FRMD4A: variants seen among roughly 807,000 people sequenced by gnomAD.
FRMD4A encodes FERM domain-containing protein 4A.
FRMD4A carries 29 observed loss-of-function variants against 129.1 expected under a neutral mutation model. That is an observed-to-expected ratio of 0.22 (90% CI 0.17 to 0.31). The LOEUF (loss-of-function observed/expected upper bound fraction) is 0.31, where lower values mean the gene tolerates loss of function less well. Among genes scored for constraint, FRMD4A ranks in the 10% least tolerant of loss-of-function variants. The pLI is 1.00. For synonymous variants in FRMD4A, 634 were observed against 571.6 expected (o/e 1.11, Z -1.56); for missense variants, 1,272 against 1,375.8 (o/e 0.92, Z 1.19).
At chr10:14,019,403 C>T (rs1394111620) in intron 2 of FRMD4A, among the ~76,000 whole-genome samples, 2 of 152,058 alleles carry the variant, frequency 1.3e-5, no homozygotes, top group African/African-American at 2.4e-5. Context: ...CCAAGACATG[C>T]CATCATAATG....
intron 3 of FRMD4A, among the ~76,000 whole-genome samples, chr10:13,843,887 G>C (rs532569985): frequency 2.6e-5 from 4 of 152,346 alleles, no homozygotes; most frequent in African/African-American, 9.6e-5. Flanking sequence ...TCCCTGCAGA[G>C]AGGACACAAG....
chr10:13,880,316 T>C (rs1402632238), intron 2 of FRMD4A, among the ~76,000 whole-genome samples: 4 of 152,216 alleles, frequency 2.6e-5, no homozygotes, highest in Admixed American at 2.6e-4. Flanking sequence ...TGGACTCTTC[T>C]CTTTATCACA....
intron 4 of FRMD4A, among the ~76,000 whole-genome samples, chr10:13,803,739 T>C (rs1201886663): frequency 1.3e-5 from 2 of 152,176 alleles, no homozygotes; most frequent in African/African-American, 2.4e-5. Context: ...GCTTTCTGGA[T>C]CTCCAGTGGT....
At chr10:13,867,662 A>G (rs1029412498) in intron 2 of FRMD4A, among the ~76,000 whole-genome samples, 3 of 132,180 alleles carry the variant, frequency 2.3e-5, no homozygotes, top group African/African-American at 5.7e-5. Flanking sequence ...AATATATAAT[A>G]TATAATATAA....
At chr10:14,317,292 C>T (rs1846776272) in intron 2 of FRMD4A, among the ~76,000 whole-genome samples, 2 of 152,122 alleles carry the variant, frequency 1.3e-5, no homozygotes. Flanking sequence ...CTTCCTCATA[C>T]CCAAATGTCA....
intron 2 of FRMD4A, among the ~76,000 whole-genome samples, chr10:13,981,828 C>T (rs1220855525): frequency 2.0e-5 from 3 of 151,400 alleles, no homozygotes; most frequent in Non-Finnish European, 2.9e-5. Context: ...TCTGTTCTTC[C>T]TGTTAGGGCA....
At chr10:14,133,764 G>A (rs775449042) in intron 2 of FRMD4A, among the ~76,000 whole-genome samples, 1 of 152,206 alleles carries the variant, frequency 6.6e-6, no homozygotes, top group Non-Finnish European at 1.5e-5. Flanking sequence ...TCTCCACAAA[G>A]ACTTGGAGAA....
chr10:13,750,444 T>C (rs1292564284), intron 8 of FRMD4A, among the ~76,000 whole-genome samples: 1 of 152,190 alleles, frequency 6.6e-6, no homozygotes, highest in Non-Finnish European at 1.5e-5. Flanking sequence ...GAGGAGCTCC[T>C]ACAAAGCTCA....
chr10:13,883,319 GTC>G (rs1263706083), intron 2 of FRMD4A, among the ~76,000 whole-genome samples: 2 of 151,794 alleles, frequency 1.3e-5, no homozygotes, highest in Admixed American at 6.6e-5. Flanking sequence ...CTGAAACCCC[GTC>G]TCTACTAAAA....
At chr10:14,174,835 T>A (rs1188593830) in intron 2 of FRMD4A, among the ~76,000 whole-genome samples, 1 of 151,406 alleles carries the variant, frequency 6.6e-6, no homozygotes, top group Non-Finnish European at 1.5e-5. Context: ...TTATGGACTC[T>A]GATCCTGAAT....
intron 2 of FRMD4A, among the ~76,000 whole-genome samples, chr10:14,090,158 A>C (rs1836577339): frequency 6.6e-6 from 1 of 152,190 alleles, no homozygotes; most frequent in Admixed American, 6.5e-5. Context: ...ACGGAACAAG[A>C]GTCTTCGGGG....
chr10:14,143,781 A>T (rs1839950466), intron 2 of FRMD4A, among the ~76,000 whole-genome samples: 1 of 152,006 alleles, frequency 6.6e-6, no homozygotes, highest in Non-Finnish European at 1.5e-5. Flanking sequence ...TGCCTGGCTA[A>T]CTTTTGTATG....
At chr10:13,930,293 G>A (rs1188095080) in intron 2 of FRMD4A, among the ~76,000 whole-genome samples, 1 of 152,172 alleles carries the variant, frequency 6.6e-6, no homozygotes, top group Non-Finnish European at 1.5e-5. Context: ...TGCATTTAGT[G>A]GCTTGTGTGG....
Position 14,118,269 on chromosome 10 carries a change from C to T in FRMD4A, c.45+211789G>A, listed in dbSNP as rs536040498. ...CACTGCCAGAGTTAAAGATGCCATG[C>T]TTGGCAACCTTAGGTGAGAGAGAGC... On this transcript the variant is annotated intron_variant, in intron 2 of 24. Transcript: ENST00000357447. Among the ~76,000 whole-genome samples the T allele has an allele frequency of 3.9e-5, 6 of 152,290 alleles. No homozygotes were observed. In the South Asian group the frequency reaches 6.2e-4, roughly 16 times the overall value.
chr10:13,884,947 T>C (rs1000481547), intron 2 of FRMD4A, among the ~76,000 whole-genome samples: 18 of 152,236 alleles, frequency 1.2e-4, no homozygotes, highest in Admixed American at 6.5e-5. Context: ...TTTATTTCAG[T>C]AGCACCTCCA....
intron 2 of FRMD4A, among the ~76,000 whole-genome samples, chr10:14,314,340 C>G (rs887268130): frequency 6.6e-6 from 1 of 152,182 alleles, no homozygotes; most frequent in Non-Finnish European, 1.5e-5. Flanking sequence ...AGGCCACGTA[C>G]AGGACCCTAG....
intron 2 of FRMD4A, among the ~76,000 whole-genome samples, chr10:14,042,508 A>T (rs1172747766): frequency 1.3e-5 from 2 of 152,214 alleles, no homozygotes; most frequent in Admixed American, 6.5e-5. Context: ...TTCTGCAGAA[A>T]GTATAAAAAT....
At chr10:14,307,240 C>T (rs544666067) in intron 2 of FRMD4A, among the ~76,000 whole-genome samples, 2 of 152,288 alleles carry the variant, frequency 1.3e-5, no homozygotes, top group East Asian at 1.9e-4. Context: ...AGAATGAATT[C>T]GAGAAAAGTA....
At chr10:14,127,785 A>G (rs1838926512) in intron 2 of FRMD4A, among the ~76,000 whole-genome samples, 1 of 152,102 alleles carries the variant, frequency 6.6e-6, no homozygotes, top group Non-Finnish European at 1.5e-5. Context: ...CCTTTGGTCC[A>G]TCTCCTCCTC....
Sources: gnomAD v4.1 joint callset for allele counts (sites outside exome capture counted in the v4.1 genomes callset) on GRCh38, gnomAD v4.1.1 for gene constraint, MANE v1.5 for transcripts, NCBI Gene and HGNC (gene_info 2026-07-23, HGNC 2026-07-21) for gene names.